Variants in PSMD14 observed in about 807,000 individuals in gnomAD.
PSMD14 encodes proteasome 26S subunit, non-ATPase 14.
A neutral mutation model predicts 41.2 loss-of-function variants in PSMD14; 7 were observed. That is an observed-to-expected ratio of 0.17 (90% CI 0.10 to 0.32). The LOEUF (loss-of-function observed/expected upper bound fraction) is 0.32. PSMD14 is among the 10% of genes least tolerant of loss of function. The probability of loss-of-function intolerance (pLI) is 1.00; values close to 1 mark genes in which losing one functional copy is unlikely to be tolerated. For missense variants in PSMD14, 139 were observed against 375.6 expected (o/e 0.37, Z 5.21); for synonymous variants, 114 against 122.3 (o/e 0.93, Z 0.45).
At chr2:161,379,072 T>C (rs1285591462) in intron 7 of PSMD14, among the ~76,000 whole-genome samples, 3 of 152,044 alleles carry the variant, frequency 2.0e-5, no homozygotes, top group African/African-American at 7.2e-5. Flanking sequence ...ACTGCCATGC[T>C]AACAAAGTTG....
chr2:161,411,328 T>G lies in PSMD14; in HGVS notation c.861T>G (p.His287Gln). 1 of 1,609,204 alleles carries G rather than the reference T, an allele frequency of 6.2e-7. No homozygotes were observed. Among genetic ancestry groups the G allele is most frequent in the Non-Finnish European group, 8.5e-7 (1 of 1,177,484 alleles). ...KQDPKRHLEE[H>Q]VDVLMTSNIV... ...ACCCCAAACGTCATTTGGAGGAACA[T>G]GTGGATGTACTTATGACCTCAAATA... The change falls in exon 12 of 12, where the codon CAT becomes CAG. Residue 287 changes from histidine to glutamine, a missense_variant. This residue lies in a region of PSMD14 where 80 missense variants were observed against 138.1 expected (regional missense o/e 0.58). Coordinates refer to ENST00000409682, the MANE Select transcript of PSMD14 (RefSeq NM_005805.6).
Position 161,341,875 on chromosome 2 carries a change from T to A in PSMD14, c.48+23002T>A, listed in dbSNP as rs941650282. Among the ~76,000 whole-genome samples the A allele has an allele frequency of 1.3e-3, 186 of 144,740 alleles. 1 individual carries two copies. Among genetic ancestry groups the A allele is most frequent in the African/African-American group, 4.6e-3 (181 of 39,566 alleles). 95.0% of individuals were successfully genotyped at this position (144,740 alleles called of 152,430 possible). On this transcript the variant is annotated intron_variant, in intron 3 of 11. Coordinates refer to ENST00000409682, the MANE Select transcript of PSMD14 (RefSeq NM_005805.6). Reference sequence around the variant, plus strand: ...AAAAATTAAAATTAAAAAAAATATATATGTATATATAAATTTGTGTTATAA... The same window carrying A: ...AAAAATTAAAATTAAAAAAAATATAAATGTATATATAAATTTGTGTTATAA...
intron 7 of PSMD14, among the ~76,000 whole-genome samples, chr2:161,377,354 T>C (rs1683517612): frequency 6.6e-6 from 1 of 151,894 alleles, no homozygotes; most frequent in South Asian, 2.1e-4. Flanking sequence ...TTGGAACAAG[T>C]TTTGTTACTG....
At chr2:161,368,615 A>G (rs558261415) in intron 5 of PSMD14, among the ~76,000 whole-genome samples, 1 of 152,202 alleles carries the variant, frequency 6.6e-6, no homozygotes, top group African/African-American at 2.4e-5. Context: ...CTTCCAAAAA[A>G]AGCACATATA....
chr2:161,313,132 CA>C (rs1689108627), intron 1 of PSMD14, among the ~76,000 whole-genome samples: 1 of 151,984 alleles, frequency 6.6e-6, no homozygotes, highest in South Asian at 2.1e-4. Flanking sequence ...TACTCAAGGA[CA>C]GGGAACTTGT....
chr2:161,313,356 T>TAA (rs1259544050), intron 1 of PSMD14, among the ~76,000 whole-genome samples: 5 of 152,150 alleles, frequency 3.3e-5, no homozygotes, highest in Admixed American at 1.3e-4. Flanking sequence ...ATTAATTAAT[T>TAA]TATTTATTTT....
At chr2:161,354,027 A>AT (rs1683157052) in intron 3 of PSMD14, among the ~76,000 whole-genome samples, 1 of 152,100 alleles carries the variant, frequency 6.6e-6, no homozygotes, top group South Asian at 2.1e-4. Flanking sequence ...GCTGAACAGT[A>AT]TTTTCAAAAG....
intron 6 of PSMD14, 24 bp downstream of exon 6, chr2:161,370,201 A>ACCC: frequency 6.8e-7 from 1 of 1,474,942 alleles, no homozygotes; most frequent in Non-Finnish European, 9.2e-7. Flanking sequence ...ATGATCAGTT[A>ACCC]AAGAAATAAT....
intron 8 of PSMD14, among the ~76,000 whole-genome samples, chr2:161,387,672 T>C (rs528006381): frequency 1.6e-4 from 25 of 152,178 alleles, no homozygotes; most frequent in African/African-American, 5.5e-4. Flanking sequence ...GTATATTTTA[T>C]AGATGGTGCC....
chr2:161,339,017 T>A (rs1459708356), intron 3 of PSMD14, among the ~76,000 whole-genome samples: 2 of 152,240 alleles, frequency 1.3e-5, no homozygotes, highest in Non-Finnish European at 2.9e-5. Flanking sequence ...GATGGATATA[T>A]AACACTTTGT....
rs540680712 is a variant in PSMD14, at chr2:161,372,654, TACTC to T, written c.462+1334_462+1337del. Among the ~76,000 whole-genome samples the T allele has an allele frequency of 7.2e-5, 11 of 152,108 alleles. No homozygotes were observed. In the East Asian group the frequency reaches 2.1e-3, roughly 29 times the overall value. On this transcript the variant is annotated intron_variant, in intron 7 of 11. Coordinates refer to ENST00000409682, the MANE Select transcript of PSMD14 (RefSeq NM_005805.6). ...ACTTTTTTTTAACTATATGTGTTGT[TACTC>T]AACATATAGATAAAAGAGGTTGAAA... is the stretch of plus-strand genomic sequence containing the variant.
At chr2:161,404,041 G>A (rs1482030751) in intron 10 of PSMD14, among the ~76,000 whole-genome samples, 4 of 151,622 alleles carry the variant, frequency 2.6e-5, no homozygotes, top group African/African-American at 7.3e-5. Context: ...GAGTAGCTAG[G>A]ACTCCAAGCA....
At chr2:161,340,433 G>A (rs1682933978) in intron 3 of PSMD14, among the ~76,000 whole-genome samples, 2 of 152,184 alleles carry the variant, frequency 1.3e-5, no homozygotes, top group African/African-American at 4.8e-5. Flanking sequence ...CAAAAGAGGG[G>A]GGACTGGAGT....
At chr2:161,344,203 A>T (rs1683009779) in intron 3 of PSMD14, among the ~76,000 whole-genome samples, 1 of 152,132 alleles carries the variant, frequency 6.6e-6, no homozygotes, top group Non-Finnish European at 1.5e-5. Flanking sequence ...AAGTTGACAG[A>T]TCATTTAGTG....
chr2:161,398,458 T>G (rs1196715879), intron 10 of PSMD14, among the ~76,000 whole-genome samples: 1 of 152,108 alleles, frequency 6.6e-6, no homozygotes, highest in African/African-American at 2.4e-5. Flanking sequence ...CATTTGATTT[T>G]TTTCTAATTA....
rs572415705 is a variant in PSMD14 at position 161,361,115 on chromosome 2, A to G, written c.49-6363A>G. Among the ~76,000 whole-genome samples, 254 of 152,322 alleles carry G rather than the reference A, an allele frequency of 1.7e-3. 2 individuals are homozygous for G. The highest frequency in any genetic ancestry group is 3.4e-3 in the Middle Eastern group (1 of 294). The stretch of plus-strand genomic sequence containing the variant: ...ATAGGCATTCACCAATATTTTTGGC[A>G]TAGCATTTGTTACACTTTAATTTTT... On this transcript the variant is annotated intron_variant, in intron 3 of 11. Coordinates refer to ENST00000409682, the MANE Select transcript of PSMD14 (RefSeq NM_005805.6).
At chr2:161,322,018 C>G (rs761812621) in intron 3 of PSMD14, among the ~76,000 whole-genome samples, 1 of 152,152 alleles carries the variant, frequency 6.6e-6, no homozygotes, top group Non-Finnish European at 1.5e-5. Context: ...GGGCCTGGCT[C>G]AAAGTCTTAG....
intron 3 of PSMD14, among the ~76,000 whole-genome samples, chr2:161,336,445 G>A (rs925129719): frequency 6.6e-6 from 1 of 152,154 alleles, no homozygotes; most frequent in Non-Finnish European, 1.5e-5. Flanking sequence ...AGCATATTAT[G>A]AGTTTGGATA....
At chr2:161,384,214 G>A (rs1432642120) in intron 7 of PSMD14, 7 of 151,604 alleles carry the variant, frequency 4.6e-5, no homozygotes, top group Admixed American at 6.6e-5. Context: ...ATTGTAGGCC[G>A]AATGAGTAGA....
Sources: allele counts gnomAD v4.1 joint callset (sites outside exome capture counted in the v4.1 genomes callset), GRCh38; gene constraint gnomAD v4.1.1; regional missense constraint gnomAD v4.1.1; transcripts MANE v1.5; gene names NCBI Gene and HGNC (gene_info 2026-07-23, HGNC 2026-07-21).